The following THSD7A variants were observed in gnomAD, a reference collection of about 807,000 sequenced individuals.
The protein encoded by THSD7A is thrombospondin type 1 domain containing 7A, also known as thrombospondin type-1 domain-containing protein 7A.
A neutral mutation model predicts 231.3 loss-of-function variants in THSD7A; 96 were observed. The ratio of observed to expected loss-of-function variants is 0.41; its 90% CI spans 0.35 to 0.49. The LOEUF is 0.49. Among genes scored for constraint, THSD7A ranks in the 20% least tolerant of loss-of-function variants. The probability of loss-of-function intolerance (pLI) is 0.05; values close to 1 mark genes in which losing one functional copy is unlikely to be tolerated. For missense variants in THSD7A, 2,290 were observed against 2,070.2 expected, an observed-to-expected ratio of 1.11 and a Z score of -2.06; for synonymous variants, 940 against 743.3, an observed-to-expected ratio of 1.26 and a Z score of -4.30.
intron 1 of THSD7A, among the ~76,000 whole-genome samples, chr7:11,731,674 C>G (rs1781740792): frequency 6.6e-6 from 1 of 151,516 alleles, no homozygotes; most frequent in South Asian, 2.1e-4. Flanking sequence ...ATAAGCCAGG[C>G]AGCAATCAAT....
chr7:11,428,878 A>G (rs1294459903), intron 14 of THSD7A, 69 bp downstream of exon 14: 2 of 1,523,482 alleles, frequency 1.3e-6, no homozygotes, highest in African/African-American at 2.9e-5. Flanking sequence ...CCTCTTCTCC[A>G]TTTTGGAGAA....
intron 2 of THSD7A, among the ~76,000 whole-genome samples, chr7:11,629,224 C>G (rs1198357910): frequency 1.3e-5 from 2 of 152,128 alleles, no homozygotes; most frequent in Non-Finnish European, 2.9e-5. Context: ...TCCAGACACA[C>G]GAGCAGGATG....
At chr7:11,475,414 A>G (rs574118005) in intron 7 of THSD7A, among the ~76,000 whole-genome samples, 1 of 152,176 alleles carries the variant, frequency 6.6e-6, no homozygotes, top group Non-Finnish European at 1.5e-5. Context: ...AGAAACAGGC[A>G]GAAGACTGTC....
intron 6 of THSD7A, among the ~76,000 whole-genome samples, chr7:11,486,901 G>C (rs772881552): frequency 7.9e-5 from 12 of 151,976 alleles, no homozygotes; most frequent in Non-Finnish European, 1.2e-4. Context: ...CTTACTTTGA[G>C]GCCTTAACTG....
intron 6 of THSD7A, among the ~76,000 whole-genome samples, 166 bp downstream of exon 6, chr7:11,541,253 A>T (rs1431097259): frequency 6.6e-6 from 1 of 152,296 alleles, no homozygotes; most frequent in East Asian, 1.9e-4. Context: ...ATTAGAACAA[A>T]AGAGAAAGAG....
intron 1 of THSD7A, among the ~76,000 whole-genome samples, chr7:11,718,052 T>A (rs535064070): frequency 5.4e-4 from 82 of 151,774 alleles, no homozygotes; most frequent in African/African-American, 1.7e-3. Flanking sequence ...ATGCAATCAT[T>A]ATGGAAGTAA....
chr7:11,823,345 G>C (rs918751114), intron 1 of THSD7A, among the ~76,000 whole-genome samples: 1 of 151,886 alleles, frequency 6.6e-6, no homozygotes, highest in African/African-American at 2.4e-5. Flanking sequence ...ATGCTGTTTT[G>C]GTTACTATAG....
chr7:11,513,516 C>T (rs1461615900), intron 6 of THSD7A, among the ~76,000 whole-genome samples: 3 of 151,958 alleles, frequency 2.0e-5, no homozygotes, highest in African/African-American at 7.2e-5. Flanking sequence ...ACCTTGAAAA[C>T]GTTATGGTAA....
intron 2 of THSD7A, among the ~76,000 whole-genome samples, chr7:11,612,536 T>C (rs992035008): frequency 3.3e-5 from 5 of 152,194 alleles, no homozygotes; most frequent in African/African-American, 1.2e-4. Context: ...TGAGACACAT[T>C]GCAAATCTTC....
intron 11 of THSD7A, among the ~76,000 whole-genome samples, chr7:11,447,769 G>A (rs527656811): frequency 2.0e-5 from 3 of 152,218 alleles, no homozygotes; most frequent in East Asian, 1.9e-4. Context: ...CAAACCATAC[G>A]TGGGTTCTGA....
chr7:11,724,195 A>T (rs1781465957), intron 1 of THSD7A, among the ~76,000 whole-genome samples: 3 of 151,944 alleles, frequency 2.0e-5, no homozygotes. Flanking sequence ...AGTACATAAA[A>T]GAATGTAGCT....
intron 13 of THSD7A, among the ~76,000 whole-genome samples, chr7:11,440,118 T>C (rs1784756817): frequency 6.6e-6 from 1 of 152,016 alleles, no homozygotes; most frequent in Non-Finnish European, 1.5e-5. Context: ...TCAAGCTAAA[T>C]CTACTCTGCT....
chr7:11,434,306 C>T (rs1277843627), intron 13 of THSD7A, among the ~76,000 whole-genome samples: 4 of 152,048 alleles, frequency 2.6e-5, no homozygotes, highest in East Asian at 1.9e-4. Flanking sequence ...CAGAATTTGA[C>T]GCTTGGAAAA....
At chr7:11,663,320 T>C (rs778134454) in intron 1 of THSD7A, among the ~76,000 whole-genome samples, 6 of 151,436 alleles carry the variant, frequency 4.0e-5, no homozygotes, top group Non-Finnish European at 5.9e-5. Flanking sequence ...CATTAGGAGA[T>C]GTAGAAAACT....
Position 11,543,048 on chromosome 7 carries a change from G to T in THSD7A, c.1523C>A (p.Pro508His). The change falls in exon 5 of 28, where the codon CCT becomes CAT. Residue 508 changes from proline to histidine, a missense_variant. Coordinates refer to ENST00000423059, the MANE Select transcript of THSD7A (RefSeq NM_015204.3). ...IPNTTQLCHI[P>H]CPTECEVSPW... ...TGAAACTTCACATTCAGTTGGACAAGGAATGTGGCACAGCTGTGTAGTATT... is the reference window on the plus strand; with the variant it reads ...TGAAACTTCACATTCAGTTGGACAATGAATGTGGCACAGCTGTGTAGTATT... 6.2e-7 allele frequency: 1 copy of T among 1,613,830 alleles called. No individual in the cohort carries two copies. Among genetic ancestry groups the T allele is most frequent in the Non-Finnish European group, 8.5e-7 (1 of 1,179,752 alleles).
rs1781881897 is a variant in THSD7A at position 11,636,844 on chromosome 7, T to C, written c.308A>G (p.Glu103Gly). 2 of 1,613,834 alleles carry C rather than the reference T, an allele frequency of 1.2e-6. No homozygotes were observed. The highest frequency in any genetic ancestry group is 8.5e-7 in the Non-Finnish European group (1 of 1,179,896). Residue 103 changes from glutamate (E) to glycine (G), a missense_variant, in exon 2 of 28, where the codon GAG (glutamate) becomes GGG (glycine). Glu to Gly is a moderately conservative substitution (Grantham distance 98). Coordinates refer to ENST00000423059, the MANE Select transcript of THSD7A (RefSeq NM_015204.3). The surrounding 1 kb of genome is among the most constrained non-coding windows in gnomAD (Gnocchi z 10.0). The stretch of plus-strand genomic sequence containing the variant: ...ACAATTCTGCTGGTTATTGGGTCTC[T>C]CGGCCTGCTTACAGTTAGTATGCAG... ...TTLHTNCKQA[E>G]RPNNQQNCFK...
intron 1 of THSD7A, among the ~76,000 whole-genome samples, chr7:11,702,714 T>C (rs1472559872): frequency 1.3e-5 from 2 of 151,220 alleles, no homozygotes; most frequent in South Asian, 4.1e-4. Flanking sequence ...GCAAATTAAA[T>C]AATTATTTGT....
chr7:11,676,110 T>C (rs1584193124), intron 1 of THSD7A, among the ~76,000 whole-genome samples: 1 of 152,268 alleles, frequency 6.6e-6, no homozygotes, highest in Non-Finnish European at 1.5e-5. Context: ...CTGCTGGTGA[T>C]AACCAGGAAA....
intron 1 of THSD7A, among the ~76,000 whole-genome samples, chr7:11,668,157 G>A (rs901234315): frequency 1.3e-5 from 2 of 152,200 alleles, no homozygotes; most frequent in South Asian, 2.1e-4. Flanking sequence ...ATGGAAGGCC[G>A]GGCATGGTGG....
Sources: gnomAD v4.1 joint callset for allele counts (sites outside exome capture counted in the v4.1 genomes callset) on GRCh38, gnomAD v4.1.1 for gene constraint, Gnocchi (gnomAD v3.1) non-coding constraint, MANE v1.5 for transcripts, NCBI Gene and HGNC (gene_info 2026-07-23, HGNC 2026-07-21) for gene names.